Variants in RNF14 observed in about 807,000 individuals in gnomAD.
RNF14 encodes E3 ubiquitin-protein ligase RNF14.
RNF14 carries 26 observed loss-of-function variants against 52.6 expected under a neutral mutation model. That is an observed-to-expected ratio of 0.49 (90% CI 0.36 to 0.69). The LOEUF (loss-of-function observed/expected upper bound fraction) is 0.69, where lower values mean the gene tolerates loss of function less well. Ranked by LOEUF, RNF14 falls within the 30% of genes least tolerant of loss-of-function variation. The pLI, the probability that RNF14 is intolerant of heterozygous loss-of-function variation, is 0.00. For synonymous variants in RNF14, 194 were observed against 202.0 expected (o/e 0.96, Z 0.34); for missense variants, 404 against 560.4 (o/e 0.72, Z 2.82).
At chr5:141,970,081 TA>T (rs1050620519) in intron 1 of RNF14, among the ~76,000 whole-genome samples, 2 of 152,250 alleles carry the variant, frequency 1.3e-5, no homozygotes, top group African/African-American at 4.8e-5. Flanking sequence ...ATCTGGTTTT[TA>T]ATTATGGTTT....
chr5:141,980,117 C>T lies in RNF14; in HGVS notation c.835-6C>T. On this transcript the variant is annotated splice_region_variant and splice_polypyrimidine_tract_variant and intron_variant, in intron 5 of 8. Transcript: ENST00000394520. ...CAAACCTATGGTGTTTTGTATTTCC[C>T]TCCAGGTCAAAGAGTTAGTGGAAGC... 7.4e-6 allele frequency: 12 copies of T among 1,612,138 alleles called. No homozygotes were observed. The highest frequency in any genetic ancestry group is 9.3e-6 in the Non-Finnish European group (11 of 1,178,216).
chr5:141,969,264 G>A (rs1753508450), intron 1 of RNF14, 97 bp downstream of exon 1: 1 of 152,760 alleles, frequency 6.5e-6, no homozygotes. Context: ...CTGGGCGCGC[G>A]AGGCAGAGAA....
chr5:141,957,189 G>A (rs370982872), upstream of RNF14: 5 of 1,614,160 alleles, frequency 3.1e-6, no homozygotes, highest in Admixed American at 5.0e-5. This position sits in a 1 kb window ranked among gnomAD's most constrained non-coding sequence, Gnocchi z 4.3. Context: ...ACTTGGGGGG[G>A]TTCCCATTGT....
chr5:141,957,162 G>A, upstream of RNF14: 1 of 1,614,194 alleles, frequency 6.2e-7, no homozygotes, highest in South Asian at 1.1e-5. The surrounding 1 kb of genome is among the most constrained non-coding windows in gnomAD (Gnocchi z 4.3). Flanking sequence ...CGTTGACCTT[G>A]ACCAAGCTGG....
chr5:141,966,901 T>G (rs1231514656), upstream of RNF14: 1 of 152,362 alleles, frequency 6.6e-6, no homozygotes, highest in Non-Finnish European at 1.5e-5. Flanking sequence ...CTGAGCACTC[T>G]GAGGTAGGGT....
At chr5:141,949,688 T>C in the RNF14 span, 3 of 1,387,614 alleles carry the variant, frequency 2.2e-6, no homozygotes, top group Non-Finnish European at 2.9e-6. Flanking sequence ...GGGAACTGGA[T>C]ACACAGCCTG....
At chr5:141,970,311 T>C (rs1293918550) in intron 1 of RNF14, among the ~76,000 whole-genome samples, 1 of 151,740 alleles carries the variant, frequency 6.6e-6, no homozygotes, top group Non-Finnish European at 1.5e-5. Context: ...GCTTAATTCA[T>C]GAACAAGAGA....
upstream of RNF14, chr5:141,957,044 C>G (rs1320133752): frequency 1.2e-6 from 2 of 1,614,066 alleles, no homozygotes; most frequent in Non-Finnish European, 1.7e-6. The surrounding 1 kb of genome is among the most constrained non-coding windows in gnomAD (Gnocchi z 4.3). Flanking sequence ...TGGTCAGGGT[C>G]TGTGGCGGTC....
At chr5:141,984,120 G>A (rs1425250063) in intron 7 of RNF14, among the ~76,000 whole-genome samples, 1 of 68,264 alleles carries the variant, frequency 1.5e-5, no homozygotes, top group South Asian at 4.1e-4. Context: ...TTTTTTTTTT[G>A]ATACTGAGTC....
chr5:141,974,927 T>A lies in RNF14; in HGVS notation c.278T>A (p.Leu93His). ...TCCTCTTCCCCACCTTCATTCACAC[T>A]TAGTGGCAAATGGCTGTCACCAACT... ...YPSSSPPSFTLSGKWLSPTQL... is the reference protein window; with the variant it reads ...YPSSSPPSFTHSGKWLSPTQL... Residue 93 changes from leucine (L) to histidine (H), a missense_variant, in exon 4 of 9, where the codon CTT (leucine) becomes CAT (histidine). By Grantham distance (99) the Leu-to-His change is moderately conservative. Transcript: ENST00000394520. 6.2e-7 allele frequency: 1 copy of A among 1,613,918 alleles called. No homozygotes were observed. The highest frequency in any genetic ancestry group is 8.5e-7 in the Non-Finnish European group (1 of 1,179,952).
chr5:141,959,561 GGGCCAGAGATGCCAT>G (rs1753238136), intron 1 of RNF14, among the ~76,000 whole-genome samples: 1 of 152,170 alleles, frequency 6.6e-6, no homozygotes. Flanking sequence ...TAAGCCCTTG[GGGCCAGAGATGCCAT>G]GTTTGGACCC....
chr5:141,983,922 T>C (rs1436957587), intron 7 of RNF14, among the ~76,000 whole-genome samples: 1 of 152,118 alleles, frequency 6.6e-6, no homozygotes, highest in Non-Finnish European at 1.5e-5. Flanking sequence ...CTGTTTAAGA[T>C]ACACTCAGGA....
chr5:141,975,414 T>C (rs1754156660), intron 4 of RNF14, among the ~76,000 whole-genome samples: 1 of 152,236 alleles, frequency 6.6e-6, no homozygotes, highest in Non-Finnish European at 1.5e-5. Flanking sequence ...TAACTGATTT[T>C]CTTTGTAAAA....
Position 141,983,437 on chromosome 5 carries a change from T to C in RNF14, c.1121T>C (p.Leu374Pro). Residue 374 changes from leucine to proline, a missense_variant, in exon 7 of 9, where the codon CTT becomes CCT. Coordinates refer to ENST00000394520, the MANE Select transcript of RNF14 (RefSeq NM_004290.5). ...YLQADEANKR[L>P]LDQRYGKRVI... Reference sequence around the variant, plus strand: ...CAAGCGGATGAGGCTAATAAAAGACTTTTGGATCAAAGGTATGGTAAGAGA... The same window carrying C: ...CAAGCGGATGAGGCTAATAAAAGACCTTTGGATCAAAGGTATGGTAAGAGA... 1 of 1,613,744 alleles carries C rather than the reference T, an allele frequency of 6.2e-7. No homozygotes were observed. The highest frequency in any genetic ancestry group is 8.5e-7 in the Non-Finnish European group (1 of 1,179,774).
At chr5:141,954,414 T>A (rs912135337), upstream of RNF14, among the ~76,000 whole-genome samples, 8 of 152,184 alleles carry the variant, frequency 5.3e-5, no homozygotes, top group African/African-American at 1.9e-4. Flanking sequence ...ATAGTAATAA[T>A]TTGCTGAGTA....
At chr5:141,983,672 T>A (rs1014747351) in intron 7 of RNF14, 120 bp downstream of exon 7, 1 of 818,002 alleles carries the variant, frequency 1.2e-6, no homozygotes, top group Non-Finnish European at 1.9e-6. Flanking sequence ...TATTACACCT[T>A]CTTACGTGGA....
At chr5:141,967,372 ATGAG>A (rs1332478043), upstream of RNF14, among the ~76,000 whole-genome samples, 3 of 152,220 alleles carry the variant, frequency 2.0e-5, no homozygotes, top group Non-Finnish European at 4.4e-5. Flanking sequence ...ATTTGATTAC[ATGAG>A]TAAGTTCTTT....
upstream of RNF14, chr5:141,956,902 G>T: frequency 6.2e-7 from 1 of 1,614,160 alleles, no homozygotes; most frequent in South Asian, 1.1e-5. Context: ...CACCTCGTAG[G>T]CAGGGTTCTT....
At chr5:141,956,265 G>C, upstream of RNF14, 1 of 1,614,196 alleles carries the variant, frequency 6.2e-7, no homozygotes, top group South Asian at 1.1e-5. Flanking sequence ...ACTCAAAGCC[G>C]GCCATCTCTT....
Sources: allele counts gnomAD v4.1 joint callset (sites outside exome capture counted in the v4.1 genomes callset), GRCh38; gene constraint gnomAD v4.1.1; non-coding constraint Gnocchi (gnomAD v3.1); transcripts MANE v1.5; gene names NCBI Gene and HGNC (gene_info 2026-07-23, HGNC 2026-07-21).